SCN8A: variants seen among roughly 807,000 people sequenced by gnomAD.
SCN8A encodes sodium voltage-gated channel alpha subunit 8.
Under a neutral mutation model 184.1 loss-of-function variants are expected in SCN8A, and 30 were observed. That is an observed-to-expected ratio of 0.16 (90% CI 0.12 to 0.22). SCN8A has a LOEUF of 0.22. Ranked by LOEUF, SCN8A falls within the 10% of genes least tolerant of loss-of-function variation. The pLI is 1.00. For missense variants in SCN8A, 1,057 were observed against 2,498.9 expected (o/e 0.42, Z 12.30); for synonymous variants, 852 against 907.0 (o/e 0.94, Z 1.09).
rs1464009510 is a variant in SCN8A, at chr12:51,806,107, C to G, written c.4796-175C>G. 6.6e-6 allele frequency among the ~76,000 whole-genome samples: 1 copy of G among 152,130 alleles called. No individual in the cohort carries two copies. The highest frequency in any genetic ancestry group is 1.5e-5 in the Non-Finnish European group (1 of 68,018). The stretch of plus-strand genomic sequence containing the variant: ...CCTCCCAAAGTCCTGGGATTACAGG[C>G]GTGAGCCCCCATGCCCAGCCAAAAT... On this transcript the variant is annotated intron_variant, in intron 26 of 26. Coordinates refer to ENST00000627620, the MANE Select transcript of SCN8A (RefSeq NM_001330260.2). This position sits in a 1 kb window ranked among gnomAD's most constrained non-coding sequence, Gnocchi z 8.7.
At position 51,799,621 on chromosome 12, in the gene SCN8A, C is replaced by A. The variant is rs1014255655; in HGVS notation, c.4795+4980C>A. On this transcript the variant is annotated intron_variant, in intron 26 of 26. Coordinates refer to ENST00000627620, the MANE Select transcript of SCN8A (RefSeq NM_001330260.2). Reference sequence around the variant, plus strand: ...CTGCTGGGTCATATAGCCCAAGTGGCAGAGCAGCTTGCACAACAGCCTGGA... The same window carrying A: ...CTGCTGGGTCATATAGCCCAAGTGGAAGAGCAGCTTGCACAACAGCCTGGA... Among the ~76,000 whole-genome samples, 14 of 152,328 alleles carry A rather than the reference C, an allele frequency of 9.2e-5. No homozygotes were observed. The Middle Eastern group carries it at 0.014, about 148-fold the overall frequency.
chr12:51,643,552 G>T (rs1398394324), intron 1 of SCN8A, among the ~76,000 whole-genome samples: 2 of 152,094 alleles, frequency 1.3e-5, no homozygotes, highest in East Asian at 3.9e-4. Context: ...GATCTATATT[G>T]TTGAAAGAAT....
chr12:51,675,605 C>T (rs995401484), intron 2 of SCN8A, among the ~76,000 whole-genome samples: 1 of 152,168 alleles, frequency 6.6e-6, no homozygotes, highest in Non-Finnish European at 1.5e-5. Flanking sequence ...TGGCAACTCC[C>T]CCGCCCCGCT....
chr12:51,799,233 G>C (rs1938491752), intron 26 of SCN8A, among the ~76,000 whole-genome samples: 1 of 152,202 alleles, frequency 6.6e-6, no homozygotes, highest in Non-Finnish European at 1.5e-5. Context: ...ACTTCCTCTT[G>C]TAACTTACTT....
intron 12 of SCN8A, among the ~76,000 whole-genome samples, chr12:51,732,755 A>G (rs1215571212): frequency 2.0e-5 from 3 of 152,064 alleles, no homozygotes; most frequent in Admixed American, 1.3e-4. Context: ...AGTGTTTTAT[A>G]GTTTTCTTGT....
chr12:51,665,865 C>T (rs1189389302), intron 2 of SCN8A, among the ~76,000 whole-genome samples: 3 of 152,058 alleles, frequency 2.0e-5, no homozygotes, highest in Non-Finnish European at 4.4e-5. Flanking sequence ...AGTTTGAGAC[C>T]AGCCTGACCA....
At chr12:51,735,434 C>G (rs1049402889) in intron 12 of SCN8A, among the ~76,000 whole-genome samples, 3 of 151,980 alleles carry the variant, frequency 2.0e-5, no homozygotes, top group Non-Finnish European at 4.4e-5. Context: ...TGGTATGCCT[C>G]AATTATAGGA....
chr12:51,632,286 G>T (rs1940213195), intron 1 of SCN8A, among the ~76,000 whole-genome samples: 2 of 152,210 alleles, frequency 1.3e-5, no homozygotes, highest in Admixed American at 6.5e-5. Flanking sequence ...AAGCACAAAT[G>T]ATTTTTCTGC....
At position 51,687,130 on chromosome 12, in the gene SCN8A, G is replaced by T; in HGVS notation, c.525G>T (p.Val175=). ...FTGIYTFESL[V]KIIARGFCID... ...GGATTTATACATTTGAATCACTAGT[G>T]AAAATCATTGCAAGAGGTTTCTGCA... Residue 175 remains valine (V), a synonymous_variant, in exon 5 of 27, where the codon GTG becomes GTT. Coordinates refer to ENST00000627620, the MANE Select transcript of SCN8A (RefSeq NM_001330260.2). 1.9e-6 allele frequency: 3 copies of T among 1,613,490 alleles called. No homozygotes were observed. The highest frequency in any genetic ancestry group is 2.5e-6 in the Non-Finnish European group (3 of 1,179,524).
intron 26 of SCN8A, among the ~76,000 whole-genome samples, chr12:51,802,914 C>A (rs1938595581): frequency 6.6e-6 from 1 of 152,156 alleles, no homozygotes; most frequent in Non-Finnish European, 1.5e-5. Context: ...ATTAAGCAGC[C>A]AACTCCAGAA....
At chr12:51,637,135 CA>C (rs1371577716) in intron 1 of SCN8A, among the ~76,000 whole-genome samples, 2 of 152,086 alleles carry the variant, frequency 1.3e-5, no homozygotes, top group African/African-American at 4.8e-5. Context: ...TGCCATGAAC[CA>C]CACTCATATG....
intron 10 of SCN8A, 48 bp downstream of exon 10, chr12:51,705,671 A>T: frequency 6.6e-7 from 1 of 1,507,718 alleles, no homozygotes. Flanking sequence ...GATCATGGTG[A>T]CTAAGACCCC....
chr12:51,620,021 C>G (rs143819388), intron 1 of SCN8A, among the ~76,000 whole-genome samples: 2,645 of 152,098 alleles, frequency 0.017, 38 homozygotes, highest in Non-Finnish European at 0.025. Flanking sequence ...TTTTCCTGGT[C>G]CCTAGATCAA....
chr12:51,685,209 C>T (rs1002944954), intron 3 of SCN8A, among the ~76,000 whole-genome samples: 2 of 152,162 alleles, frequency 1.3e-5, no homozygotes, highest in African/African-American at 4.8e-5. Flanking sequence ...TTCTTCCTTT[C>T]TGTTGGATCA....
rs1251488261 is a variant in SCN8A at position 51,597,906 on chromosome 12, G to T, written c.-55+6547G>T. On this transcript the variant is annotated intron_variant, in intron 1 of 26. Transcript: ENST00000627620. ...CATTCACTACTGTTTTTTTGTCTTA[G>T]CAGGAAGCTGAATGCTTTTAAGTGA... is the stretch of plus-strand genomic sequence containing the variant. Among the ~76,000 whole-genome samples, 4 of 152,044 alleles carry T rather than the reference G, an allele frequency of 2.6e-5. No homozygotes were observed. In the South Asian group the frequency reaches 8.3e-4, roughly 32 times the overall value.
chr12:51,670,448 C>A (rs2138684236), intron 2 of SCN8A, among the ~76,000 whole-genome samples: 1 of 152,242 alleles, frequency 6.6e-6, no homozygotes, highest in East Asian at 1.9e-4. Context: ...AAATCCAGGT[C>A]ATCTAATTTG....
intron 15 of SCN8A, among the ~76,000 whole-genome samples, chr12:51,763,915 A>G (rs758229812): frequency 3.3e-5 from 5 of 152,270 alleles, no homozygotes; most frequent in Non-Finnish European, 7.3e-5. Context: ...AAGTGAAACT[A>G]TTTGTAAAAC....
chr12:51,709,016 G>A (rs1041628173), intron 11 of SCN8A, among the ~76,000 whole-genome samples: 4 of 152,184 alleles, frequency 2.6e-5, no homozygotes, highest in African/African-American at 9.7e-5. Flanking sequence ...GGGGGTGTTA[G>A]AAAAGCACAG....
chr12:51,700,603 A>G (rs1452570411), intron 7 of SCN8A, among the ~76,000 whole-genome samples: 7 of 152,242 alleles, frequency 4.6e-5, no homozygotes, highest in African/African-American at 1.7e-4. Context: ...AGACTCATGA[A>G]AAAAGTTAGA....
Sources: gnomAD v4.1 joint callset for allele counts (sites outside exome capture counted in the v4.1 genomes callset) on GRCh38, gnomAD v4.1.1 for gene constraint, Gnocchi (gnomAD v3.1) non-coding constraint, MANE v1.5 for transcripts, NCBI Gene and HGNC (gene_info 2026-07-23, HGNC 2026-07-21) for gene names.